The following THSD7B variants were observed in gnomAD, a reference collection of about 807,000 sequenced individuals.
THSD7B encodes thrombospondin type 1 domain containing 7B.
In THSD7B, 138 loss-of-function variants were observed where a neutral mutation model predicts 213.6. That is an observed-to-expected ratio of 0.65 (90% CI 0.56 to 0.74). The LOEUF is 0.74. THSD7B is among the 30% of genes least tolerant of loss of function. The pLI, the probability that THSD7B is intolerant of heterozygous loss-of-function variation, is 0.00. For missense variants in THSD7B, 1,931 were observed against 1,991.5 expected, an observed-to-expected ratio of 0.97 and a Z score of 0.58; for synonymous variants, 742 against 687.0, an observed-to-expected ratio of 1.08 and a Z score of -1.25.
At chr2:137,456,840 C>G (rs1308064210) in intron 15 of THSD7B, among the ~76,000 whole-genome samples, 2 of 152,154 alleles carry the variant, frequency 1.3e-5, no homozygotes, top group East Asian at 3.9e-4. Flanking sequence ...AACATTTTAC[C>G]TCTCTCTGCA....
intron 3 of THSD7B, among the ~76,000 whole-genome samples, chr2:137,090,001 G>T (rs977592776): frequency 6.7e-6 from 1 of 149,994 alleles, no homozygotes; most frequent in Non-Finnish European, 1.5e-5. Flanking sequence ...AGTTAGAGTC[G>T]GTCTCAAAAA....
intron 7 of THSD7B, among the ~76,000 whole-genome samples, chr2:137,226,657 TG>T (rs1381492183): frequency 6.6e-6 from 1 of 151,816 alleles, no homozygotes; most frequent in Non-Finnish European, 1.5e-5. Flanking sequence ...CCTATTCATC[TG>T]GCTATCTATG....
At chr2:137,071,383 T>C (rs59695824) in intron 3 of THSD7B, among the ~76,000 whole-genome samples, 14,658 of 152,046 alleles carry the variant, frequency 0.096, 929 homozygotes, top group African/African-American at 0.19. Context: ...TCATATCCTT[T>C]GCCCACTTTT....
At chr2:136,977,856 A>G (rs1461701417) in intron 2 of THSD7B, among the ~76,000 whole-genome samples, 1 of 149,488 alleles carries the variant, frequency 6.7e-6, no homozygotes, top group Non-Finnish European at 1.5e-5. Flanking sequence ...CAGGCCGGAA[A>G]AGGCATGATC....
chr2:137,077,972 G>A (rs1376922489), intron 3 of THSD7B, among the ~76,000 whole-genome samples: 6 of 152,192 alleles, frequency 3.9e-5, no homozygotes, highest in Admixed American at 3.9e-4. Context: ...TAACATTTAA[G>A]TCTTTAATCC....
intron 12 of THSD7B, among the ~76,000 whole-genome samples, chr2:137,343,010 G>A (rs1684796451): frequency 6.7e-6 from 1 of 149,254 alleles, no homozygotes; most frequent in Non-Finnish European, 1.5e-5. Flanking sequence ...CTAAAGCCTT[G>A]TCTAACTTTG....
rs1401204716 is a variant in THSD7B at position 137,393,716 on chromosome 2, G to C, written c.2501-11897G>C. Among the ~76,000 whole-genome samples the C allele has an allele frequency of 1.4e-5, 2 of 140,826 alleles. 1 individual carries two copies. Among genetic ancestry groups the C allele is most frequent in the Non-Finnish European group, 3.2e-5 (2 of 63,280 alleles). The allele number at this position is 140,826 out of a possible 152,430, so 92.4% of individuals were successfully genotyped here. On this transcript the variant is annotated intron_variant, in intron 12 of 27. Transcript: ENST00000409968. ...GGGTCAAATGGTATTTCTAGCTCTAGATCCCTGAGGAATCACCACACTGAC... is the reference window on the plus strand; with the variant it reads ...GGGTCAAATGGTATTTCTAGCTCTACATCCCTGAGGAATCACCACACTGAC...
chr2:137,257,362 T>C (rs750273306), intron 10 of THSD7B, among the ~76,000 whole-genome samples: 4 of 152,196 alleles, frequency 2.6e-5, no homozygotes, highest in African/African-American at 4.8e-5. Flanking sequence ...ACGGATTTAA[T>C]AGAAACAGTA....
At chr2:137,327,600 C>T (rs960365976) in intron 12 of THSD7B, among the ~76,000 whole-genome samples, 1 of 151,944 alleles carries the variant, frequency 6.6e-6, no homozygotes, top group Non-Finnish European at 1.5e-5. Context: ...TCTCTTCCAC[C>T]TTTATCCATC....
chr2:137,214,501 T>C (rs1220487084), intron 7 of THSD7B, among the ~76,000 whole-genome samples: 1 of 152,156 alleles, frequency 6.6e-6, no homozygotes, highest in Non-Finnish European at 1.5e-5. Flanking sequence ...GTTACATAGG[T>C]ATACACATGC....
intron 15 of THSD7B, among the ~76,000 whole-genome samples, chr2:137,452,263 G>A (rs1282334044): frequency 6.6e-6 from 1 of 151,586 alleles, no homozygotes; most frequent in Middle Eastern, 3.2e-3. Context: ...AACCTTTTAG[G>A]GAAAATAAAG....
chr2:137,342,495 C>G (rs1041418536), intron 12 of THSD7B, among the ~76,000 whole-genome samples: 2 of 151,394 alleles, frequency 1.3e-5, no homozygotes, highest in African/African-American at 4.8e-5. Context: ...TATGTCGATG[C>G]CTTTTATTTA....
intron 6 of THSD7B, among the ~76,000 whole-genome samples, chr2:137,167,734 A>G (rs1052704280): frequency 4.6e-5 from 7 of 152,176 alleles, no homozygotes; most frequent in African/African-American, 1.7e-4. Context: ...AACCCTGCAG[A>G]TACTAGTTTC....
Position 136,983,371 on chromosome 2 carries a change from G to GACACACACACACACACACACACACA in THSD7B, c.140-73049_140-73048insACACACACACACACACACACACACA, listed in dbSNP as rs1398395384. 5.0e-4 allele frequency among the ~76,000 whole-genome samples: 70 copies of GACACACACACACACACACACACACA among 141,224 alleles called. 2 individuals carry two copies. Among genetic ancestry groups the GACACACACACACACACACACACACA allele is most frequent in the East Asian group, 8.4e-4 (4 of 4,782 alleles). The allele number at this position is 141,224 out of a possible 152,430, so 92.6% of individuals were successfully genotyped here. A position where few individuals can be genotyped will look rare whatever the true frequency, so the allele number is the denominator to read the frequency against. On this transcript the variant is annotated intron_variant, in intron 2 of 27. Coordinates refer to ENST00000409968, the MANE Select transcript of THSD7B (RefSeq NM_001316349.2). ...CACAGACACACAGACACACACACAC[G>GACACACACACACACACACACACACA]CACACACACTCACTCTCTCTCTCTC...
At chr2:137,071,191 T>G (rs2104891692) in intron 3 of THSD7B, among the ~76,000 whole-genome samples, 1 of 152,290 alleles carries the variant, frequency 6.6e-6, no homozygotes, top group South Asian at 2.1e-4. Context: ...AGTGTAAAAG[T>G]ATTCCTGTTT....
chr2:137,134,509 T>C (rs1163672832), intron 5 of THSD7B, among the ~76,000 whole-genome samples: 2 of 151,998 alleles, frequency 1.3e-5, no homozygotes, highest in African/African-American at 4.8e-5. Context: ...ATGAGGAAGA[T>C]AGGAAGTGGT....
chr2:136,825,160 A>C (rs1682625034), intron 1 of THSD7B, among the ~76,000 whole-genome samples: 1 of 152,240 alleles, frequency 6.6e-6, no homozygotes, highest in African/African-American at 2.4e-5. Context: ...AGAACAATGA[A>C]AAGAAAATTA....
intron 2 of THSD7B, among the ~76,000 whole-genome samples, chr2:137,016,413 C>T (rs1006491275): frequency 2.0e-5 from 3 of 152,088 alleles, no homozygotes; most frequent in Non-Finnish European, 2.9e-5. Flanking sequence ...TCTCAAACTC[C>T]ATCTTTTAGA....
chr2:136,959,413 T>A (rs1685181726), intron 2 of THSD7B, among the ~76,000 whole-genome samples: 1 of 152,194 alleles, frequency 6.6e-6, no homozygotes, highest in Non-Finnish European at 1.5e-5. Flanking sequence ...TCCTTCCTAG[T>A]TTTTCTTGTC....
Sources: gnomAD v4.1 joint callset for allele counts (sites outside exome capture counted in the v4.1 genomes callset) on GRCh38, gnomAD v4.1.1 for gene constraint, MANE v1.5 for transcripts, NCBI Gene and HGNC (gene_info 2026-07-23, HGNC 2026-07-21) for gene names.